The following PAF1 variants were observed in gnomAD, a reference collection of about 807,000 sequenced individuals.
The protein encoded by PAF1 is PAF1 component of Paf1/RNA polymerase II complex, also known as RNA polymerase II-associated factor 1 homolog.
PAF1 carries 31 observed loss-of-function variants against 68.4 expected under a neutral mutation model. That is an observed-to-expected ratio of 0.45 (90% CI 0.34 to 0.61). PAF1 has a LOEUF of 0.61. Ranked by LOEUF, PAF1 falls within the 20% of genes least tolerant of loss-of-function variation. The pLI is 0.01. For missense variants in PAF1, 435 were observed against 692.9 expected (o/e 0.63, Z 4.18); for synonymous variants, 256 against 240.5 (o/e 1.06, Z -0.60).
At position 39,390,973 on chromosome 19, in the gene PAF1, C is replaced by T. The variant is rs2078367452; in HGVS notation, c.-109G>A. The T allele has an allele frequency of 4.5e-6, 5 of 1,117,258 alleles. No individual in the cohort carries two copies. The highest frequency in any genetic ancestry group is 2.9e-4 in the Middle Eastern group (1 of 3,444). The allele number at this position is 1,117,258 out of a possible 1,614,324, so 69.2% of individuals were successfully genotyped here. A position where few individuals can be genotyped will look rare whatever the true frequency, so the allele number is the denominator to read the frequency against. ...CTGATCCGAGGAAGGCCCAGCTTGG[C>T]GCCGCTCCCCGCGGAAAGTGGGTTG... On this transcript the variant is annotated 5_prime_UTR_variant, in exon 1 of 14. Transcript: ENST00000221265.
At chr19:39,388,002 A>C (rs548525396) in intron 11 of PAF1, among the ~76,000 whole-genome samples, 8 of 152,282 alleles carry the variant, frequency 5.3e-5, no homozygotes, top group African/African-American at 1.4e-4. Context: ...TTAGCTGGCC[A>C]TGCTGGCACA....
rs1161992347 is a variant in PAF1, at chr19:39,390,128, A to G, written c.111T>C (p.Asn37=). The G allele has an allele frequency of 1.9e-6, 3 of 1,613,906 alleles. No individual in the cohort carries two copies. Among genetic ancestry groups the G allele is most frequent in the East Asian group, 2.2e-5 (1 of 44,882 alleles). The change falls in exon 3 of 14, where the codon AAT becomes AAC. Residue 37 remains asparagine, a synonymous_variant. Transcript: ENST00000221265. The part of the protein sequence containing the change: ...SGVVCRVKYC[N]SLPDIPFDPK... ...GGTCGAAGGGGATATCAGGGAGGCT[A>G]TTGCAGTACTTGACTCGGCAGACCA...
In PAF1 at chr19:39,389,946, G is replaced by A. The variant is rs1490480276; in HGVS notation, c.170+123C>T. On this transcript the variant is annotated intron_variant, in intron 3 of 13. Transcript: ENST00000221265. This position sits in a 1 kb window ranked among gnomAD's most constrained non-coding sequence, Gnocchi z 5.3. ...TGCTTGCTCCATTAACAATTGAGCA[G>A]CTACTACTATGTGCTAGGGTAGGTA... 8 of 1,055,194 alleles carry A rather than the reference G, an allele frequency of 7.6e-6. No homozygotes were observed. The highest frequency in any genetic ancestry group is 1.0e-5 in the Non-Finnish European group (7 of 687,988). The allele number at this position is 1,055,194 out of a possible 1,614,324, so 65.4% of individuals were successfully genotyped here.
rs577472103 is a variant in PAF1, at chr19:39,389,969, G to A, written c.170+100C>T. On this transcript the variant is annotated intron_variant, in intron 3 of 13. Transcript: ENST00000221265. This position sits in a 1 kb window ranked among gnomAD's most constrained non-coding sequence, Gnocchi z 5.3. ...CAGCTACTACTATGTGCTAGGGTAG[G>A]TACTGTGCTAGGCCCTGAGCAGACA... The A allele has an allele frequency of 1.8e-6, 2 of 1,084,320 alleles. No homozygotes were observed. Among genetic ancestry groups the A allele is most frequent in the Admixed American group, 1.7e-5 (1 of 57,406 alleles). The allele number at this position is 1,084,320 out of a possible 1,614,324, so 67.2% of individuals were successfully genotyped here.
At chr19:39,387,813 C>G (rs1420004627) in intron 11 of PAF1, among the ~76,000 whole-genome samples, 1 of 152,184 alleles carries the variant, frequency 6.6e-6, no homozygotes, top group African/African-American at 2.4e-5. Context: ...TGGCCCTCTG[C>G]CTTGCGCAAA....
In PAF1 at chr19:39,385,660, G is replaced by T; in HGVS notation, c.*331C>A. On this transcript the variant is annotated 3_prime_UTR_variant, in exon 14 of 14. Transcript: ENST00000221265. ...GGAGTTTCACTTGTTTAATGGTCTG[G>T]GCTTATTTTGGAAAAAAAAAAAACA... is the stretch of plus-strand genomic sequence containing the variant. 1.8e-6 allele frequency: 1 copy of T among 543,724 alleles called. No homozygotes were observed. The highest frequency in any genetic ancestry group is 3.2e-6 in the Non-Finnish European group (1 of 309,996). The allele number at this position is 543,724 out of a possible 1,614,324, so 33.7% of individuals were successfully genotyped here. A position where few individuals can be genotyped will look rare whatever the true frequency, so the allele number is the denominator to read the frequency against.
chr19:39,389,412 C>T lies in PAF1; in HGVS notation c.360-29G>A. On this transcript the variant is annotated intron_variant, in intron 5 of 13. Coordinates refer to ENST00000221265, the MANE Select transcript of PAF1 (RefSeq NM_019088.4). This position sits in a 1 kb window ranked among gnomAD's most constrained non-coding sequence, Gnocchi z 5.3. ...GGGTGGGAAATCAGGTATCTCAGGACCCCACTGCCCTCCTGCTTGTAGGGC... is the reference window on the plus strand; with the variant it reads ...GGGTGGGAAATCAGGTATCTCAGGATCCCACTGCCCTCCTGCTTGTAGGGC... 1 of 1,611,540 alleles carries T rather than the reference C, an allele frequency of 6.2e-7. No individual in the cohort carries two copies. Among genetic ancestry groups the T allele is most frequent in the Non-Finnish European group, 8.5e-7 (1 of 1,177,654 alleles).
Position 39,385,921 on chromosome 19 carries a change from A to G in PAF1, c.*70T>C. On this transcript the variant is annotated 3_prime_UTR_variant, in exon 14 of 14. Transcript: ENST00000221265. ...GAACAAACAAGTGAAAGGCTCACAA[A>G]CAGACCACTAGAAAAGTGCTTTGCT... 6.3e-7 allele frequency: 1 copy of G among 1,588,632 alleles called. No homozygotes were observed. The highest frequency in any genetic ancestry group is 8.5e-7 in the Non-Finnish European group (1 of 1,170,264).
In PAF1 at chr19:39,386,121, C is replaced by T. The variant is rs2078242068; in HGVS notation, c.1466G>A (p.Gly489Asp). ...DNDSDSGSNG[G>D]GQRSRSHSRS... ...GCTGTGGCTCCGGCTCCGCTGGCCA[C>T]CCCCATTGCTGCCGCTGTCTGAATC... The change falls in exon 14 of 14, where the codon GGT becomes GAT. Residue 489 changes from glycine to aspartate, a missense_variant. Around this residue, in one of 7 missense-constraint regions of PAF1, gnomAD observed 83 missense variants for 99.9 expected, o/e 0.83. Transcript: ENST00000221265. This position sits in a 1 kb window ranked among gnomAD's most constrained non-coding sequence, Gnocchi z 6.1. 1.2e-6 allele frequency: 2 copies of T among 1,614,110 alleles called. No homozygotes were observed. The highest frequency in any genetic ancestry group is 1.7e-6 in the Non-Finnish European group (2 of 1,180,036).
chr19:39,390,351 AGGCTTCCCCAACCTTTCAAAAG>A (rs2145941535), intron 1 of PAF1, 62 bp from the exon 2 acceptor site: 1 of 1,497,756 alleles, frequency 6.7e-7, no homozygotes, highest in East Asian at 2.4e-5. Flanking sequence ...AGAATGAAAA[AGGCTTCCCCAACCTTTCAAAAG>A]GTAGGAGGGG....
At position 39,389,622 on chromosome 19, in the gene PAF1, C is replaced by A; in HGVS notation, c.292+18G>T. On this transcript the variant is annotated intron_variant, in intron 4 of 13. Coordinates refer to ENST00000221265, the MANE Select transcript of PAF1 (RefSeq NM_019088.4). The surrounding 1 kb of genome is among the most constrained non-coding windows in gnomAD (Gnocchi z 5.3). ...CCTTTGCTGACCTAGAGCAGACCCT[C>A]CCTGTCTCCCCACACACCATTGGGG... The A allele has an allele frequency of 6.2e-7, 1 of 1,614,216 alleles. No individual in the cohort carries two copies. The highest frequency in any genetic ancestry group is 1.3e-5 in the African/African-American group (1 of 75,062).
Position 39,386,111 on chromosome 19 carries a change from C to T in PAF1, c.1476G>A (p.Arg492=). The T allele has an allele frequency of 1.2e-6, 2 of 1,614,102 alleles. No individual in the cohort carries two copies. Among genetic ancestry groups the T allele is most frequent in the Non-Finnish European group, 1.7e-6 (2 of 1,180,016 alleles). The change falls in exon 14 of 14, where the codon CGG becomes CGA. Residue 492 remains arginine, a synonymous_variant. Transcript: ENST00000221265. This position sits in a 1 kb window ranked among gnomAD's most constrained non-coding sequence, Gnocchi z 6.1. ...SDSGSNGGGQ[R]SRSHSRSASP... ...TGGCGCTGCGGCTGTGGCTCCGGCT[C>T]CGCTGGCCACCCCCATTGCTGCCGC...
chr19:39,389,219 C>T lies in PAF1; in HGVS notation c.462-21G>A, dbSNP rs1403659696. ...CAATCCTAGGAATGAAGAAAAAGGT[C>T]CTTAGGGGCCACTGGACACACCTAA... On this transcript the variant is annotated intron_variant, in intron 6 of 13. Coordinates refer to ENST00000221265, the MANE Select transcript of PAF1 (RefSeq NM_019088.4). The surrounding 1 kb of genome is among the most constrained non-coding windows in gnomAD (Gnocchi z 5.3). 3 of 1,610,678 alleles carry T rather than the reference C, an allele frequency of 1.9e-6. No individual in the cohort carries two copies.
At chr19:39,387,272 CAT>C in intron 11 of PAF1, 1 of 358,222 alleles carries the variant, frequency 2.8e-6, no homozygotes, top group Non-Finnish European at 5.7e-6. Context: ...TGTATCTAAA[CAT>C]AGAAAAGGTA....
At chr19:39,387,487 G>A (rs915793313) in intron 11 of PAF1, among the ~76,000 whole-genome samples, 10 of 152,178 alleles carry the variant, frequency 6.6e-5, no homozygotes, top group Non-Finnish European at 1.3e-4. Flanking sequence ...GAAGTGAATA[G>A]TGCCCTCCAT....
rs1312800794 is a variant in PAF1 at position 39,389,632 on chromosome 19, C to T, written c.292+8G>A. Reference sequence around the variant, plus strand: ...CCTAGAGCAGACCCTCCCTGTCTCCCCACACACCATTGGGGTCGATGCGGT... The same window carrying T: ...CCTAGAGCAGACCCTCCCTGTCTCCTCACACACCATTGGGGTCGATGCGGT... On this transcript the variant is annotated splice_region_variant and intron_variant, in intron 4 of 13. Coordinates refer to ENST00000221265, the MANE Select transcript of PAF1 (RefSeq NM_019088.4). The surrounding 1 kb of genome is among the most constrained non-coding windows in gnomAD (Gnocchi z 5.3). 1 of 1,614,210 alleles carries T rather than the reference C, an allele frequency of 6.2e-7. No homozygotes were observed. Among genetic ancestry groups the T allele is most frequent in the South Asian group, 1.1e-5 (1 of 91,086 alleles).
rs953063667 is a variant in PAF1 at position 39,391,088 on chromosome 19, C to G, written c.-224G>C. The G allele has an allele frequency of 4.8e-6, 3 of 628,334 alleles. No homozygotes were observed. The highest frequency in any genetic ancestry group is 5.5e-6 in the Non-Finnish European group (2 of 364,510). The allele number at this position is 628,334 out of a possible 1,614,324, so 38.9% of individuals were successfully genotyped here. A position where few individuals can be genotyped will look rare whatever the true frequency, so the allele number is the denominator to read the frequency against. The stretch of plus-strand genomic sequence containing the variant: ...GACGGACTCGAAGCTCCGGTTCCAC[C>G]AACTGCCGCCAAGACGCTGAGGACC... On this transcript the variant is annotated 5_prime_UTR_variant, in exon 1 of 14. Coordinates refer to ENST00000221265, the MANE Select transcript of PAF1 (RefSeq NM_019088.4).
chr19:39,386,900 C>A lies in PAF1; in HGVS notation c.987-101G>T, dbSNP rs1488287020. ...TGAGGGGTCTGGTCTGACTTGGTTC[C>A]CCATCAATACTTAGAGTAAATGGGA... On this transcript the variant is annotated intron_variant, in intron 11 of 13. Coordinates refer to ENST00000221265, the MANE Select transcript of PAF1 (RefSeq NM_019088.4). The surrounding 1 kb of genome is among the most constrained non-coding windows in gnomAD (Gnocchi z 6.1). 1.6e-5 allele frequency: 12 copies of A among 765,400 alleles called. No individual in the cohort carries two copies. Among genetic ancestry groups the A allele is most frequent in the Non-Finnish European group, 2.6e-5 (11 of 429,260 alleles). The allele number at this position is 765,400 out of a possible 1,614,324, so 47.4% of individuals were successfully genotyped here.
rs543858738 is a variant in PAF1 at position 39,388,973 on chromosome 19, C to T, written c.610G>A (p.Val204Ile). ...TTAAAGTCTGGGAAGACAGGCATGA[C>T]CTCCACCGGTGTGACTCGGGGTTTG... Reference protein sequence around the residue: ...YSKPRVTPVEVMPVFPDFKMW... With the variant: ...YSKPRVTPVEIMPVFPDFKMW... The change falls in exon 8 of 14, where the codon GTC (valine) becomes ATC (isoleucine). Residue 204 changes from valine to isoleucine, a missense_variant. By Grantham distance (29) the Val-to-Ile change is conservative. Coordinates refer to ENST00000221265, the MANE Select transcript of PAF1 (RefSeq NM_019088.4). The T allele has an allele frequency of 1.2e-6, 2 of 1,614,166 alleles. No individual in the cohort carries two copies. The highest frequency in any genetic ancestry group is 3.3e-5 in the Admixed American group (2 of 60,014).
Sources: gnomAD v4.1 joint callset for allele counts (sites outside exome capture counted in the v4.1 genomes callset) on GRCh38, gnomAD v4.1.1 for gene constraint, gnomAD v4.1.1 regional missense constraint, Gnocchi (gnomAD v3.1) non-coding constraint, MANE v1.5 for transcripts, NCBI Gene and HGNC (gene_info 2026-07-23, HGNC 2026-07-21) for gene names.